PLK2: variants seen among roughly 807,000 people sequenced by gnomAD.
The protein encoded by PLK2 is polo like kinase 2.
PLK2 carries 25 observed loss-of-function variants against 78.1 expected under a neutral mutation model. The observed-to-expected ratio is 0.32, with a 90% confidence interval of 0.23 to 0.45. The LOEUF (loss-of-function observed/expected upper bound fraction) is 0.45, where lower values mean the gene tolerates loss of function less well. Among genes scored for constraint, PLK2 ranks in the 20% least tolerant of loss-of-function variants. The pLI is 1.00. For synonymous variants in PLK2, 332 were observed against 298.2 expected (o/e 1.11, Z -1.17); for missense variants, 566 against 840.2 (o/e 0.67, Z 4.04).
intron 9 of PLK2, 77 bp from the exon 10 acceptor site, chr5:58,456,232 G>C (rs2111707837): frequency 7.2e-7 from 1 of 1,387,658 alleles, no homozygotes; most frequent in Non-Finnish European, 1.0e-6. Context: ...ATTAAGATGA[G>C]AGTGAGGCAA....
rs1743625590 is a variant in PLK2, at chr5:58,457,072, C to A, written c.1029G>T (p.Leu343=). 6.2e-7 allele frequency: 1 copy of A among 1,613,594 alleles called. No individual in the cohort carries two copies. Among genetic ancestry groups the A allele is most frequent in the Non-Finnish European group, 8.5e-7 (1 of 1,179,854 alleles). ...FFLQGFTPDR[L]SSSCCHTVPD... is the part of the protein sequence containing the mutation. The stretch of plus-strand genomic sequence containing the variant: ...GAACTGTATGACAACAGCTAGAAGA[C>A]AGTCTGTCCGGAGTGAAGCCCTGTG... The change falls in exon 8 of 14, where the codon CTG becomes CTT. Residue 343 remains leucine, a synonymous_variant. Transcript: ENST00000274289.
intron 1 of PLK2, 133 bp from the exon 2 acceptor site, chr5:58,459,225 AG>A: frequency 3.2e-6 from 2 of 628,938 alleles, no homozygotes; most frequent in South Asian, 3.9e-5. Context: ...GGGTGGACAG[AG>A]GGAGGCATTC....
intron 1 of PLK2, 142 bp from the exon 2 acceptor site, chr5:58,459,234 T>C: frequency 1.6e-6 from 1 of 618,962 alleles, no homozygotes; most frequent in East Asian, 2.7e-5. Context: ...GAGGGAGGCA[T>C]TCGACTTCGT....
rs1236837478 is a variant in PLK2, at chr5:58,456,112, G to A, written c.1298C>T (p.Pro433Leu). ...PTTTVARSGT[P>L]AVENKQQIGD... ...AATCTGCTGCTTGTTTTCTACTGCG[G>A]GTGTTCCAGACCTGGCAACTGTGGT... Residue 433 changes from proline to leucine, a missense_variant, in exon 10 of 14, where the codon CCC becomes CTC. Pro to Leu is a moderately conservative substitution (Grantham distance 98). Around this residue, in one of 5 missense-constraint regions of PLK2, gnomAD observed 129 missense variants for 156.0 expected, o/e 0.83. Transcript: ENST00000274289. 1 of 1,613,808 alleles carries A rather than the reference G, an allele frequency of 6.2e-7. No homozygotes were observed. The highest frequency in any genetic ancestry group is 1.1e-5 in the South Asian group (1 of 91,064).
At position 58,456,068 on chromosome 5, in the gene PLK2, T is replaced by C. The variant is rs749968952; in HGVS notation, c.1342A>G (p.Ile448Val). 6.8e-6 allele frequency: 11 copies of C among 1,614,016 alleles called. 1 individual carries two copies. In the South Asian group the frequency reaches 1.1e-4, roughly 16 times the overall value. ...CAGCTGCCAAGAGTCCCTCTGACTA[T>C]CATCCGAATAGCATCCCCAATCTGC... ...KQQIGDAIRM[I>V]VRGTLGSCSS... Residue 448 changes from isoleucine (I) to valine (V), a missense_variant, in exon 10 of 14, where the codon ATA becomes GTA. Physicochemically the swap from Ile to Val is conservative, Grantham distance 29. This residue lies in a region of PLK2 where 129 missense variants were observed against 156.0 expected (regional missense o/e 0.83). Transcript: ENST00000274289.
chr5:58,460,054 C>A lies in PLK2; in HGVS notation c.-95G>T. The A allele has an allele frequency of 7.2e-7, 1 of 1,389,340 alleles. No individual in the cohort carries two copies. 86.1% of individuals were successfully genotyped at this position (1,389,340 alleles called of 1,614,324 possible). ...GTCCTCGCACCCTTGCCTCTGGTGCCGACTAGCACCCAACACCCCGGTCCA... is the reference window on the plus strand; with the variant it reads ...GTCCTCGCACCCTTGCCTCTGGTGCAGACTAGCACCCAACACCCCGGTCCA... On this transcript the variant is annotated 5_prime_UTR_variant, in exon 1 of 14. Coordinates refer to ENST00000274289, the MANE Select transcript of PLK2 (RefSeq NM_006622.4).
At position 58,456,928 on chromosome 5, in the gene PLK2, A is replaced by C. The variant is rs750670566; in HGVS notation, c.1156+17T>G. 1.3e-6 allele frequency: 2 copies of C among 1,520,332 alleles called. No individual in the cohort carries two copies. Among genetic ancestry groups the C allele is most frequent in the African/African-American group, 2.8e-5 (2 of 71,572 alleles). The allele number at this position is 1,520,332 out of a possible 1,614,324, so 94.2% of individuals were successfully genotyped here. A position where few individuals can be genotyped will look rare whatever the true frequency, so the allele number is the denominator to read the frequency against. On this transcript the variant is annotated intron_variant, in intron 8 of 13. Coordinates refer to ENST00000274289, the MANE Select transcript of PLK2 (RefSeq NM_006622.4). ...AATATTGGGTACGAAAAAGGAAAAG[A>C]AGTCTTGTTAACTTACTATGTGTGT...
Position 58,454,340 on chromosome 5 carries a change from A to T in PLK2, c.*243T>A, listed in dbSNP as rs1743542348. On this transcript the variant is annotated 3_prime_UTR_variant, in exon 14 of 14. Transcript: ENST00000274289. ...TGCACCTTTCTGCAAAATTGTCTGA[A>T]AAACCTTTTAAAACAGGTATCTCAA... 1 of 385,152 alleles carries T rather than the reference A, an allele frequency of 2.6e-6. No homozygotes were observed. Among genetic ancestry groups the T allele is most frequent in the Admixed American group, 4.0e-5 (1 of 24,710 alleles). The allele number at this position is 385,152 out of a possible 1,614,324, so 23.9% of individuals were successfully genotyped here. A position where few individuals can be genotyped will look rare whatever the true frequency, so the allele number is the denominator to read the frequency against.
intron 9 of PLK2, 93 bp downstream of exon 9, chr5:58,456,399 T>G: frequency 1.1e-6 from 1 of 882,356 alleles, no homozygotes; most frequent in Non-Finnish European, 1.8e-6. Flanking sequence ...ATATGACATA[T>G]TTGAACCATG....
chr5:58,458,972 G>T lies in PLK2; in HGVS notation c.378+13C>A. The T allele has an allele frequency of 6.7e-7, 1 of 1,482,280 alleles. No homozygotes were observed. The highest frequency in any genetic ancestry group is 9.4e-7 in the Non-Finnish European group (1 of 1,060,462). The allele number at this position is 1,482,280 out of a possible 1,614,324, so 91.8% of individuals were successfully genotyped here. On this transcript the variant is annotated intron_variant, in intron 2 of 13. Coordinates refer to ENST00000274289, the MANE Select transcript of PLK2 (RefSeq NM_006622.4). ...CACACAAAGAAAATACTTTACTCAA[G>T]AGTCATACGCACCTTTTCCCTTTGA...
intron 1 of PLK2, 54 bp downstream of exon 1, chr5:58,459,636 T>G (rs2111716068): frequency 2.1e-6 from 3 of 1,430,780 alleles, no homozygotes; most frequent in African/African-American, 1.4e-5. Flanking sequence ...CGGCTTGGGG[T>G]CGCCCGGACA....
At position 58,457,343 on chromosome 5, in the gene PLK2, A is replaced by T; in HGVS notation, c.846T>A (p.Thr282=). ...TMLLGRPPFE[T]TNLKETYRCI... ...ACCTATAAGTTTCTTTGAGATTTGTAGTTTCAAATGGGGGCCTCCCTAGTA... is the reference window on the plus strand; with the variant it reads ...ACCTATAAGTTTCTTTGAGATTTGTTGTTTCAAATGGGGGCCTCCCTAGTA... Residue 282 remains threonine, a synonymous_variant, in exon 7 of 14, where the codon ACT becomes ACA. Coordinates refer to ENST00000274289, the MANE Select transcript of PLK2 (RefSeq NM_006622.4). 1 of 1,613,678 alleles carries T rather than the reference A, an allele frequency of 6.2e-7. No individual in the cohort carries two copies. Among genetic ancestry groups the T allele is most frequent in the Non-Finnish European group, 8.5e-7 (1 of 1,179,544 alleles).
rs1579966577 is a variant in PLK2 at position 58,459,763 on chromosome 5, C to A, written c.197G>T (p.Gly66Val). 3 of 1,607,708 alleles carry A rather than the reference C, an allele frequency of 1.9e-6. No individual in the cohort carries two copies. The highest frequency in any genetic ancestry group is 4.5e-5 in the East Asian group (2 of 44,836). Residue 66 changes from glycine (G) to valine (V), a missense_variant, in exon 1 of 14, where the codon GGG (glycine) becomes GTG (valine). Physicochemically the swap from Gly to Val is moderately radical, Grantham distance 109. Coordinates refer to ENST00000274289, the MANE Select transcript of PLK2 (RefSeq NM_006622.4). ...GACGATAATCCGCGAGATCTCCGGCCCCGAGTGCGAATGGTGGTGATGGTG... is the reference window on the plus strand; with the variant it reads ...GACGATAATCCGCGAGATCTCCGGCACCGAGTGCGAATGGTGGTGATGGTG... ...PHHHHHHSHS[G>V]PEISRIIVDP...
chr5:58,459,842 CG>C lies in PLK2; in HGVS notation c.117del (p.Glu40ArgfsTer60). 1 of 1,610,220 alleles carries C rather than the reference CG, an allele frequency of 6.2e-7. No homozygotes were observed. ...DSKKKRPPQP[P>X]EESQPPQSQA... ...TGGGACTGAGGTGGCTGCGATTCCT[CG>C]GGGGGCTGCGGCGGCCGCTTCTTCT... On this transcript the variant is annotated frameshift_variant, in exon 1 of 14. Transcript: ENST00000274289. LOFTEE classifies it high-confidence loss of function.
Position 58,458,507 on chromosome 5 carries a change from C to T in PLK2, c.517G>A (p.Ala173Thr). The T allele has an allele frequency of 1.2e-6, 2 of 1,611,740 alleles. No homozygotes were observed. The highest frequency in any genetic ancestry group is 1.7e-6 in the Non-Finnish European group (2 of 1,179,028). The change falls in exon 4 of 14, where the codon GCA (alanine) becomes ACA (threonine). Residue 173 changes from alanine to threonine, a missense_variant. Ala to Thr is a moderately conservative substitution (Grantham distance 58, BLOSUM62 0). Transcript: ENST00000274289. ...SRRSMAHILK[A>T]RKVLTEPEVR... is the part of the protein sequence containing the mutation. ...TCTGGCTCTGTCAACACCTTTCTTG[C>T]TTTCAAAATATGAGCCATTGACTAA...
chr5:58,455,823 G>C (rs1198997655), intron 10 of PLK2, 44 bp from the exon 11 acceptor site: 1 of 1,603,006 alleles, frequency 6.2e-7, no homozygotes, highest in Non-Finnish European at 8.5e-7. Context: ...CAATATTTTA[G>C]CAATAAAACC....
Position 58,455,413 on chromosome 5 carries a change from T to C in PLK2, c.1627A>G (p.Thr543Ala), listed in dbSNP as rs1486426401. 5 of 1,614,012 alleles carry C rather than the reference T, an allele frequency of 3.1e-6. No individual in the cohort carries two copies. The highest frequency in any genetic ancestry group is 4.2e-6 in the Non-Finnish European group (5 of 1,179,962). Reference sequence around the variant, plus strand: ...CCAAGCTCTGCGTAATAGTGAACTGTTCTATAAAAACAGGAACGAAAGGGA... The same window carrying C: ...CCAAGCTCTGCGTAATAGTGAACTGCTCTATAAAAACAGGAACGAAAGGGA... ...AHMSLLPDKK[T>A]VHYYAELGQC... is the part of the protein sequence containing the mutation. Residue 543 changes from threonine to alanine, a missense_variant and splice_region_variant, in exon 12 of 14, where the codon ACA becomes GCA. Coordinates refer to ENST00000274289, the MANE Select transcript of PLK2 (RefSeq NM_006622.4).
intron 1 of PLK2, chr5:58,459,317 A>G: frequency 1.7e-6 from 1 of 579,440 alleles, no homozygotes; most frequent in Non-Finnish European, 3.0e-6. Flanking sequence ...TTCTTTTATA[A>G]AGGGGAGCTT....
chr5:58,459,195 AAAAAT>A, intron 1 of PLK2, 103 bp from the exon 2 acceptor site: 1 of 702,270 alleles, frequency 1.4e-6, no homozygotes. Context: ...GCAAAAAAAA[AAAAAT>A]TGAGGAATGG....
Sources: allele counts gnomAD v4.1 joint callset, GRCh38; gene constraint gnomAD v4.1.1; regional missense constraint gnomAD v4.1.1; transcripts MANE v1.5; gene names NCBI Gene and HGNC (gene_info 2026-07-23, HGNC 2026-07-21).